The following KLF13 variants were observed in gnomAD, a reference collection of about 807,000 sequenced individuals.
KLF13 encodes the protein Krueppel-like factor 13.
A neutral mutation model predicts 16.7 loss-of-function variants in KLF13; 8 were observed. That is an observed-to-expected ratio of 0.48 (90% CI 0.28 to 0.87). KLF13 has a LOEUF of 0.87. Ranked by LOEUF, KLF13 falls within the 40% of genes least tolerant of loss-of-function variation. KLF13 has a pLI of 0.10. For missense variants in KLF13, 447 were observed against 452.2 expected (o/e 0.99, Z 0.10); for synonymous variants, 245 against 208.4 (o/e 1.18, Z -1.51).
intron 2 of KLF13, among the ~76,000 whole-genome samples, chr15:31,401,810 A>T (rs1481119612): frequency 6.6e-6 from 1 of 152,196 alleles, no homozygotes; most frequent in South Asian, 2.1e-4. Context: ...CTTCAGCATG[A>T]GGGCTGAGTC....
intron 1 of KLF13, among the ~76,000 whole-genome samples, chr15:31,367,065 C>T (rs1458749373): frequency 6.6e-6 from 1 of 152,220 alleles, no homozygotes; most frequent in Non-Finnish European, 1.5e-5. Flanking sequence ...TACAGGAAAG[C>T]TCCTGGGGCT....
At chr15:31,365,927 G>A (rs931112308) in intron 1 of KLF13, among the ~76,000 whole-genome samples, 3 of 151,326 alleles carry the variant, frequency 2.0e-5, no homozygotes, top group South Asian at 2.1e-4. Flanking sequence ...CGTTGTCCCC[G>A]CCTGGGCCTG....
chr15:31,415,229 C>G (rs1392046156), intron 1 of KLF13, among the ~76,000 whole-genome samples: 2 of 152,142 alleles, frequency 1.3e-5, no homozygotes, highest in African/African-American at 2.4e-5. Context: ...CCTGCAGAAC[C>G]ATGAGCTAAA....
chr15:31,383,671 C>A (rs370176302), intron 1 of KLF13, among the ~76,000 whole-genome samples: 1 of 152,188 alleles, frequency 6.6e-6, no homozygotes, highest in Non-Finnish European at 1.5e-5. Flanking sequence ...GAGGCCAAGG[C>A]GGGCAGATCA....
chr15:31,351,463 A>C (rs62037893), intron 1 of KLF13, among the ~76,000 whole-genome samples: 1 of 123,724 alleles, frequency 8.1e-6, no homozygotes, highest in Non-Finnish European at 1.7e-5. Context: ...ACTGGTTTCT[A>C]ACCTGGTCTG....
At chr15:31,399,558 C>T (rs1456526369) in intron 2 of KLF13, among the ~76,000 whole-genome samples, 1 of 152,248 alleles carries the variant, frequency 6.6e-6, no homozygotes, top group Non-Finnish European at 1.5e-5. Flanking sequence ...GATTCCTTGA[C>T]ACCCACTGCT....
intron 1 of KLF13, among the ~76,000 whole-genome samples, chr15:31,348,014 T>G (rs1215535825): frequency 1.3e-5 from 2 of 152,248 alleles, no homozygotes; most frequent in African/African-American, 2.4e-5. Flanking sequence ...TCCACATGAG[T>G]CTGCCTCAGT....
chr15:31,349,176 A>C (rs758385681), intron 1 of KLF13, among the ~76,000 whole-genome samples: 77 of 152,180 alleles, frequency 5.1e-4, no homozygotes, highest in Non-Finnish European at 1.0e-3. Flanking sequence ...CTACTCCCCC[A>C]ACTCATGGCA....
At chr15:31,338,385 G>A (rs1056979103) in intron 1 of KLF13, among the ~76,000 whole-genome samples, 5 of 152,168 alleles carry the variant, frequency 3.3e-5, no homozygotes, top group Admixed American at 2.0e-4. Flanking sequence ...GCATGCACAC[G>A]TGGTCAGCCA....
At chr15:31,434,591 A>T (rs1430036670) in intron 1 of KLF13, among the ~76,000 whole-genome samples, 1 of 152,092 alleles carries the variant, frequency 6.6e-6, no homozygotes, top group African/African-American at 2.4e-5. Context: ...TGAGTTTGAG[A>T]ATGACGTGTC....
At chr15:31,400,895 G>A (rs541191541) in intron 2 of KLF13, among the ~76,000 whole-genome samples, 5 of 152,318 alleles carry the variant, frequency 3.3e-5, no homozygotes, top group South Asian at 4.1e-4. Context: ...AGCTGACCCC[G>A]AGATTTGGGT....
intron 2 of KLF13, among the ~76,000 whole-genome samples, chr15:31,396,441 G>A (rs931335128): frequency 1.3e-5 from 2 of 152,220 alleles, no homozygotes; most frequent in Non-Finnish European, 2.9e-5. Flanking sequence ...ACAGGCTTGA[G>A]CCACCGCGCC....
chr15:31,398,798 G>C (rs905741436), intron 2 of KLF13, among the ~76,000 whole-genome samples: 1 of 152,160 alleles, frequency 6.6e-6, no homozygotes, highest in African/African-American at 2.4e-5. Context: ...CTCCCCCAGG[G>C]CAGCTATAGG....
At chr15:31,392,476 C>T (rs1013855414), upstream of KLF13, among the ~76,000 whole-genome samples, 2 of 152,162 alleles carry the variant, frequency 1.3e-5, no homozygotes, top group Admixed American at 1.3e-4. Context: ...AGCTCTCACC[C>T]GCGTCCTTTT....
In KLF13 at chr15:31,372,056, C is replaced by T. The variant is rs144180630; in HGVS notation, c.624C>T (p.Phe208=). The change falls in exon 2 of 2, where the codon TTC becomes TTT. Residue 208 remains phenylalanine (F), a synonymous_variant. Coordinates refer to ENST00000307145, the MANE Select transcript of KLF13 (RefSeq NM_015995.4). ...GCTGGCAGGACTGCAACAAGAAGTTCGCGCGCTCCGACGAGCTGGCGCGGC... is the reference window on the plus strand; with the variant it reads ...GCTGGCAGGACTGCAACAAGAAGTTTGCGCGCTCCGACGAGCTGGCGCGGC... The part of the protein sequence containing the change: ...ACSWQDCNKK[F]ARSDELARHY... 1.7e-3 allele frequency: 2,687 copies of T among 1,611,380 alleles called. 4 individuals carry two copies. Among genetic ancestry groups the T allele is most frequent in the Non-Finnish European group, 2.1e-3 (2,447 of 1,179,312 alleles).
intron 1 of KLF13, among the ~76,000 whole-genome samples, chr15:31,344,897 G>T (rs1384595108): frequency 6.6e-6 from 1 of 152,138 alleles, no homozygotes; most frequent in Non-Finnish European, 1.5e-5. Flanking sequence ...GGGAGGGGCC[G>T]CAAGTAACCA....
intron 1 of KLF13, among the ~76,000 whole-genome samples, chr15:31,428,009 T>C (rs1486694621): frequency 3.3e-5 from 5 of 152,180 alleles, no homozygotes; most frequent in Non-Finnish European, 7.4e-5. Flanking sequence ...ACCCAAACCA[T>C]ATCAAATGGA....
At chr15:31,418,194 G>A (rs923974133) in intron 1 of KLF13, among the ~76,000 whole-genome samples, 44 of 152,212 alleles carry the variant, frequency 2.9e-4, no homozygotes, top group African/African-American at 9.9e-4. Context: ...ATCAAATCTT[G>A]TTGGAAGCAG....
chr15:31,419,452 T>C (rs1218985218), intron 1 of KLF13, among the ~76,000 whole-genome samples: 1 of 152,026 alleles, frequency 6.6e-6, no homozygotes, highest in Non-Finnish European at 1.5e-5. Context: ...AGTGACAATA[T>C]GATCAAAGAG....
Sources: allele counts gnomAD v4.1 joint callset (sites outside exome capture counted in the v4.1 genomes callset), GRCh38; gene constraint gnomAD v4.1.1; transcripts MANE v1.5; gene names NCBI Gene and HGNC (gene_info 2026-07-23, HGNC 2026-07-21).